Variants in ZFYVE28 observed in about 807,000 individuals in gnomAD.
ZFYVE28 encodes the protein lateral signaling target protein 2 homolog.
ZFYVE28 carries 40 observed loss-of-function variants against 82.1 expected under a neutral mutation model. The ratio of observed to expected loss-of-function variants is 0.49; its 90% CI spans 0.38 to 0.63. The LOEUF is 0.63. Among genes scored for constraint, ZFYVE28 ranks in the 30% least tolerant of loss-of-function variants. ZFYVE28 has a pLI of 0.00. For missense variants in ZFYVE28, 1,321 were observed against 1,242.1 expected (o/e 1.06, Z -0.96); for synonymous variants, 612 against 546.1 (o/e 1.12, Z -1.68).
intron 1 of ZFYVE28, among the ~76,000 whole-genome samples, chr4:2,385,454 G>C (rs933113593): frequency 6.6e-6 from 1 of 152,222 alleles, no homozygotes; most frequent in Admixed American, 6.5e-5. Flanking sequence ...CCTGACCCCG[G>C]CCTGCCAAAG....
chr4:2,274,332 C>CGT, intron 8 of ZFYVE28, 116 bp from the exon 9 acceptor site: 1 of 1,318,784 alleles, frequency 7.6e-7, no homozygotes, highest in Non-Finnish European at 1.0e-6. Flanking sequence ...ACCCCACAGG[C>CGT]GTGTATCTGT....
In ZFYVE28 at chr4:2,340,889, C is replaced by T. The variant is rs866020081; in HGVS notation, c.318+589G>A. ...AAAGGGGAGGCGGGCAGGATGGGGA[C>T]GGCACAATAGAGAGGGTGGCGGTGT... On this transcript the variant is annotated intron_variant, in intron 3 of 12. Transcript: ENST00000290974. Among the ~76,000 whole-genome samples the T allele has an allele frequency of 7.9e-5, 12 of 152,040 alleles. 1 individual carries two copies. The highest frequency in any genetic ancestry group is 6.8e-3 in the Middle Eastern group (2 of 294).
chr4:2,283,928 G>T (rs1712348935), intron 8 of ZFYVE28, among the ~76,000 whole-genome samples: 1 of 152,202 alleles, frequency 6.6e-6, no homozygotes, highest in Non-Finnish European at 1.5e-5. Flanking sequence ...GAGAGACCAG[G>T]CAGAGGTTGA....
At chr4:2,306,486 G>A (rs1467993514) in intron 7 of ZFYVE28, among the ~76,000 whole-genome samples, 2 of 152,250 alleles carry the variant, frequency 1.3e-5, no homozygotes, top group Non-Finnish European at 2.9e-5. Context: ...GCACGCACCT[G>A]CTCTGCTTCT....
intron 1 of ZFYVE28, among the ~76,000 whole-genome samples, chr4:2,376,462 G>T (rs552472043): frequency 1.3e-5 from 2 of 151,644 alleles, no homozygotes; most frequent in African/African-American, 4.8e-5. Flanking sequence ...ACCTGAGACT[G>T]GGTAATTTGC....
intron 6 of ZFYVE28, among the ~76,000 whole-genome samples, chr4:2,327,311 G>GATATAT (rs1560209256): frequency 1.5e-5 from 1 of 66,556 alleles, no homozygotes; most frequent in African/African-American, 5.7e-5. Context: ...TATATATATC[G>GATATAT]AATAAAGTTG....
chr4:2,412,406 G>A (rs1732615797), intron 1 of ZFYVE28, among the ~76,000 whole-genome samples: 1 of 152,176 alleles, frequency 6.6e-6, no homozygotes, highest in Non-Finnish European at 1.5e-5. Context: ...GTCTTGGACA[G>A]AGATGATCTC....
chr4:2,295,297 G>C (rs1258057911), intron 8 of ZFYVE28, among the ~76,000 whole-genome samples: 2 of 151,990 alleles, frequency 1.3e-5, no homozygotes, highest in Non-Finnish European at 2.9e-5. Flanking sequence ...AAGTAGCTGG[G>C]ATTGCAGGCA....
chr4:2,313,872 G>A (rs994137756), intron 7 of ZFYVE28, among the ~76,000 whole-genome samples: 4 of 146,800 alleles, frequency 2.7e-5, no homozygotes, highest in Admixed American at 1.3e-4. Context: ...AAAAAAGAAC[G>A]TGAATTCTGG....
intron 1 of ZFYVE28, among the ~76,000 whole-genome samples, chr4:2,404,146 C>G (rs1731523094): frequency 1.3e-5 from 2 of 151,720 alleles, no homozygotes; most frequent in Admixed American, 1.3e-4. Flanking sequence ...CGGTGAAACC[C>G]TGTCTCTAAT....
At chr4:2,271,850 G>T (rs1735942276) in intron 10 of ZFYVE28, 71 bp from the exon 11 acceptor site, 2 of 1,362,902 alleles carry the variant, frequency 1.5e-6, no homozygotes, top group Admixed American at 1.7e-5. Flanking sequence ...ACCTGCACTT[G>T]CTGGGCACAG....
intron 6 of ZFYVE28, among the ~76,000 whole-genome samples, chr4:2,333,794 C>T (rs1000082077): frequency 5.3e-5 from 8 of 152,244 alleles, no homozygotes; most frequent in African/African-American, 1.9e-4. Context: ...ACAAGGCCGG[C>T]TCGCAGGATC....
chr4:2,329,023 T>C (rs1342386612), intron 6 of ZFYVE28: 4 of 674,642 alleles, frequency 5.9e-6, no homozygotes, highest in South Asian at 1.5e-5. Context: ...TTTTGACTTG[T>C]AGTAAGTTTT....
chr4:2,389,077 A>C (rs1017319996), intron 1 of ZFYVE28, among the ~76,000 whole-genome samples: 13 of 152,100 alleles, frequency 8.5e-5, no homozygotes, highest in Admixed American at 8.5e-4. Context: ...CTGGGACCCC[A>C]GATTCTCTCC....
rs182228826 is a variant in ZFYVE28 at position 2,351,263 on chromosome 4, T to C, written c.180+2670A>G. Among the ~76,000 whole-genome samples the C allele has an allele frequency of 5.3e-5, 8 of 152,318 alleles. No individual in the cohort carries two copies. In the East Asian group the frequency reaches 1.4e-3, roughly 26 times the overall value. On this transcript the variant is annotated intron_variant, in intron 2 of 12. Transcript: ENST00000290974. ...ATGACTCGGTGTGTGGGGAATACCC[T>C]ACTCATCTGGTCATGGAGTGTTGAG...
At chr4:2,327,270 AT>A (rs1462492333) in intron 6 of ZFYVE28, among the ~76,000 whole-genome samples, 9 of 24,416 alleles carry the variant, frequency 3.7e-4, no homozygotes, top group African/African-American at 1.6e-3. Context: ...ATATATATAT[AT>A]ATATATATAT....
At chr4:2,304,056 G>A (rs907643412) in intron 8 of ZFYVE28, among the ~76,000 whole-genome samples, 19 of 152,346 alleles carry the variant, frequency 1.2e-4, no homozygotes, top group African/African-American at 4.3e-4. Context: ...AGGGAAGCGG[G>A]CCCGCTGGCG....
chr4:2,319,556 C>T (rs1718738673), intron 7 of ZFYVE28, among the ~76,000 whole-genome samples: 1 of 152,158 alleles, frequency 6.6e-6, no homozygotes, highest in Non-Finnish European at 1.5e-5. Context: ...TGTCCCAGGC[C>T]ACAGAGCCAG....
At chr4:2,379,448 G>A (rs926797254) in intron 1 of ZFYVE28, among the ~76,000 whole-genome samples, 5 of 152,134 alleles carry the variant, frequency 3.3e-5, no homozygotes, top group African/African-American at 7.2e-5. Context: ...TAAAATGTTC[G>A]GCTGAAGTTC....
Sources: gnomAD v4.1 joint callset for allele counts (sites outside exome capture counted in the v4.1 genomes callset) on GRCh38, gnomAD v4.1.1 for gene constraint, MANE v1.5 for transcripts, NCBI Gene and HGNC (gene_info 2026-07-23, HGNC 2026-07-21) for gene names.